RANGAP1: variants seen among roughly 807,000 people sequenced by gnomAD.
The protein encoded by RANGAP1 is ran GTPase-activating protein 1.
A neutral mutation model predicts 63.5 loss-of-function variants in RANGAP1; 38 were observed. The observed-to-expected ratio is 0.60, with a 90% CI of 0.46 to 0.78. RANGAP1 has a LOEUF of 0.78. Among genes scored for constraint, RANGAP1 ranks in the 30% least tolerant of loss-of-function variants. RANGAP1 has a pLI of 0.00. For missense variants in RANGAP1, 630 were observed against 740.3 expected, an observed-to-expected ratio of 0.85 and a Z score of 1.73; for synonymous variants, 329 against 310.5, an observed-to-expected ratio of 1.06 and a Z score of -0.63.
chr22:41,271,429 G>A (rs945423164), intron 3 of RANGAP1, among the ~76,000 whole-genome samples: 1 of 150,966 alleles, frequency 6.6e-6, no homozygotes, highest in Non-Finnish European at 1.5e-5. Flanking sequence ...GGGTGCAGAG[G>A]CTCACGCCTG....
At chr22:41,263,394 G>GT (rs966564862) in intron 5 of RANGAP1, among the ~76,000 whole-genome samples, 1 of 152,016 alleles carries the variant, frequency 6.6e-6, no homozygotes, top group Admixed American at 6.6e-5. Context: ...TTGTTTGTTT[G>GT]TTTTTTTGAG....
intron 3 of RANGAP1, among the ~76,000 whole-genome samples, chr22:41,273,872 G>A (rs1293613652): frequency 1.3e-5 from 2 of 149,798 alleles, no homozygotes; most frequent in Non-Finnish European, 3.0e-5. Flanking sequence ...TCAGGAATTC[G>A]AGACCATCCT....
intron 1 of RANGAP1, chr22:41,284,763 C>T (rs2035671230): frequency 6.6e-6 from 1 of 152,184 alleles, no homozygotes; most frequent in Admixed American, 6.6e-5. Context: ...TCCCAGCTAC[C>T]TGGGATGTAA....
chr22:41,263,193 A>G (rs950868080), intron 5 of RANGAP1, among the ~76,000 whole-genome samples: 1 of 152,174 alleles, frequency 6.6e-6, no homozygotes, highest in Non-Finnish European at 1.5e-5. Flanking sequence ...ACTCCTGGCC[A>G]GTAGGAAAGC....
chr22:41,251,232 C>T lies in RANGAP1; in HGVS notation c.1381-123G>A, dbSNP rs9623360. ...CCTGGCGGGCAAGAACAGGTCCTGC[C>T]TTACCCCATGCTGTCCCTTCAGAGT... On this transcript the variant is annotated intron_variant, in intron 12 of 15. Transcript: ENST00000356244. The T allele has an allele frequency of 0.014, 9,581 of 677,368 alleles. 656 individuals carry two copies. The African/African-American group carries it at 0.15, about 11-fold the overall frequency. The allele number at this position is 677,368 out of a possible 1,614,324, so 42.0% of individuals were successfully genotyped here.
the RANGAP1 span, among the ~76,000 whole-genome samples, chr22:41,292,674 G>A: frequency 4.6e-5 from 7 of 152,094 alleles, no homozygotes; most frequent in Non-Finnish European, 7.4e-5. Context: ...TTGAACCCGG[G>A]AGGCGGAGGT....
At chr22:41,266,201 CAAAA>C (rs35457855) in intron 4 of RANGAP1, among the ~76,000 whole-genome samples, 1 of 117,892 alleles carries the variant, frequency 8.5e-6, no homozygotes, top group Admixed American at 8.1e-5. Flanking sequence ...GACTCCGCCT[CAAAA>C]AAAAAAAAAA....
intron 2 of RANGAP1, among the ~76,000 whole-genome samples, chr22:41,277,289 A>G (rs987150561): frequency 1.3e-5 from 2 of 151,882 alleles, no homozygotes; most frequent in Non-Finnish European, 2.9e-5. Context: ...CGTTTTAGCC[A>G]GGATGGTCTC....
chr22:41,293,851 G>T, the RANGAP1 span, among the ~76,000 whole-genome samples: 1 of 151,812 alleles, frequency 6.6e-6, no homozygotes, highest in Non-Finnish European at 1.5e-5. Context: ...TGGATATGGG[G>T]TCTCACTATG....
intron 3 of RANGAP1, among the ~76,000 whole-genome samples, chr22:41,272,362 AC>A (rs970812108): frequency 5.9e-5 from 9 of 152,166 alleles, no homozygotes; most frequent in Non-Finnish European, 1.0e-4. Flanking sequence ...TCCTAAGGAA[AC>A]AAATATGTAG....
the RANGAP1 span, among the ~76,000 whole-genome samples, chr22:41,295,013 C>A: frequency 8.5e-5 from 12 of 140,626 alleles, 1 homozygote; most frequent in Non-Finnish European, 1.7e-4. Flanking sequence ...GCCAACCCGT[C>A]CAGGAGGGAG....
chr22:41,287,990 T>G (rs5758286), upstream of RANGAP1, among the ~76,000 whole-genome samples: 2,581 of 152,050 alleles, frequency 0.017, 551 homozygotes, highest in East Asian at 0.44. Flanking sequence ...CGTCTCTAAA[T>G]AAATAAATAA....
Position 41,281,386 on chromosome 22 carries a change from T to A in RANGAP1, c.-38-304A>T, listed in dbSNP as rs911766089. On this transcript the variant is annotated intron_variant, in intron 1 of 15. Transcript: ENST00000356244. ...AGCAACACCATGTGAGCTGCCCATT[T>A]CCTGGGCCCCTTCAGTGAATGGCAG... 3 of 1,000,120 alleles carry A rather than the reference T, an allele frequency of 3.0e-6. No individual in the cohort carries two copies. The African/African-American group carries it at 5.2e-5, about 17-fold the overall frequency. The allele number at this position is 1,000,120 out of a possible 1,614,324, so 62.0% of individuals were successfully genotyped here.
intron 10 of RANGAP1, 80 bp downstream of exon 10, chr22:41,255,941 A>C (rs1010330901): frequency 1.4e-6 from 2 of 1,401,182 alleles, no homozygotes; most frequent in Non-Finnish European, 2.0e-6. Context: ...GGAACAGAGC[A>C]AGACTCCATC....
At chr22:41,266,385 CAG>C (rs1383455207) in intron 4 of RANGAP1, among the ~76,000 whole-genome samples, 5 of 152,166 alleles carry the variant, frequency 3.3e-5, no homozygotes, top group African/African-American at 9.7e-5. Context: ...CCCATTCCTA[CAG>C]AGTCAAGTAA....
upstream of RANGAP1, among the ~76,000 whole-genome samples, chr22:41,289,872 G>A (rs1373036686): frequency 6.6e-6 from 1 of 152,154 alleles, no homozygotes; most frequent in African/African-American, 2.4e-5. Flanking sequence ...GCTGAGCATG[G>A]TGGCTCACAA....
rs956169226 is a variant in RANGAP1 at position 41,280,447 on chromosome 22, C to T, written c.112+486G>A. Among the ~76,000 whole-genome samples the T allele has an allele frequency of 5.3e-5, 8 of 152,358 alleles. No individual in the cohort carries two copies. In the East Asian group the frequency reaches 1.3e-3, roughly 26 times the overall value. On this transcript the variant is annotated intron_variant, in intron 2 of 15. Coordinates refer to ENST00000356244, the MANE Select transcript of RANGAP1 (RefSeq NM_002883.4). ...GTTGCAATACCTGTATACACACAGA[C>T]AGCCATCCCTCTCCCAGGTACATCT...
At chr22:41,294,000 T>TGCAGTTAGAAACAGC in the RANGAP1 span, among the ~76,000 whole-genome samples, 2 of 151,036 alleles carry the variant, frequency 1.3e-5, no homozygotes, top group Admixed American at 6.7e-5. Context: ...AAACAGCCCA[T>TGCAGTTAGAAACAGC]CCTGCAGTTA....
chr22:41,302,055 G>A, the RANGAP1 span, among the ~76,000 whole-genome samples: 1 of 152,164 alleles, frequency 6.6e-6, no homozygotes. This position sits in a 1 kb window ranked among gnomAD's most constrained non-coding sequence, Gnocchi z 5.7. Flanking sequence ...GGCACCTGGC[G>A]CTGGGGAGAC....
Sources: allele counts gnomAD v4.1 joint callset (sites outside exome capture counted in the v4.1 genomes callset), GRCh38; gene constraint gnomAD v4.1.1; non-coding constraint Gnocchi (gnomAD v3.1); transcripts MANE v1.5; gene names NCBI Gene and HGNC (gene_info 2026-07-23, HGNC 2026-07-21).